The following LAMA1 variants were observed in gnomAD, a reference collection of about 807,000 sequenced individuals.
The protein encoded by LAMA1 is laminin subunit alpha 1.
LAMA1 carries 219 observed loss-of-function variants against 348.7 expected under a neutral mutation model. That is an observed-to-expected ratio of 0.63 (90% CI 0.56 to 0.70). The LOEUF is 0.70. LAMA1 is among the 30% of genes least tolerant of loss of function. The probability of loss-of-function intolerance (pLI) is 0.00; values close to 1 mark genes in which losing one functional copy is unlikely to be tolerated. For synonymous variants in LAMA1, 1,487 were observed against 1,491.0 expected (o/e 1.00, Z 0.06); for missense variants, 3,744 against 3,888.0 (o/e 0.96, Z 0.99).
intron 36 of LAMA1, among the ~76,000 whole-genome samples, chr18:6,992,115 C>A (rs928926805): frequency 6.6e-6 from 1 of 152,216 alleles, no homozygotes; most frequent in South Asian, 2.1e-4. Flanking sequence ...CACTTCACAT[C>A]GTGGGTTTCA....
rs1320364200 is a variant in LAMA1, at chr18:7,025,881, G to A, written c.2402+98C>T. 2.8e-5 allele frequency: 41 copies of A among 1,488,542 alleles called. 1 individual carries two copies. The highest frequency in any genetic ancestry group is 4.9e-5 in the East Asian group (2 of 40,834). The allele number at this position is 1,488,542 out of a possible 1,614,324, so 92.2% of individuals were successfully genotyped here. A position where few individuals can be genotyped will look rare whatever the true frequency, so the allele number is the denominator to read the frequency against. ...TTGTCACTGGGCAAAATTCACACAC[G>A]TATTACACACACAGTCTTGCTCTGA... On this transcript the variant is annotated intron_variant, in intron 17 of 62. Coordinates refer to ENST00000389658, the MANE Select transcript of LAMA1 (RefSeq NM_005559.4).
At chr18:6,982,987 C>T (rs1377188596) in intron 40 of LAMA1, 112 bp downstream of exon 40, 14 of 1,378,524 alleles carry the variant, frequency 1.0e-5, no homozygotes, top group Non-Finnish European at 1.2e-5. Context: ...AAACAGATTC[C>T]ACCAGAAAAG....
At chr18:7,107,469 A>G (rs1035962211) in intron 1 of LAMA1, among the ~76,000 whole-genome samples, 41 of 152,242 alleles carry the variant, frequency 2.7e-4, no homozygotes, top group African/African-American at 9.1e-4. Context: ...CTTCAAAAAC[A>G]AATACACTAA....
At position 6,977,854 on chromosome 18, in the gene LAMA1, T is replaced by C; in HGVS notation, c.6218A>G (p.Asp2073Gly). 6.2e-7 allele frequency: 1 copy of C among 1,613,420 alleles called. No homozygotes were observed. Among genetic ancestry groups the C allele is most frequent in the Non-Finnish European group, 8.5e-7 (1 of 1,180,028 alleles). ...CAAAAGGTTGGCTTGAATTTCCACG[T>C]CTTTGACTTTTCTTCCAGCCAACAG... is the stretch of plus-strand genomic sequence containing the variant. ...ATLLAGRKVKDVEIQANLLFD... is the reference protein window; with the variant it reads ...ATLLAGRKVKGVEIQANLLFD... Residue 2073 changes from aspartate (D) to glycine (G), a missense_variant, in exon 44 of 63, where the codon GAC (aspartate) becomes GGC (glycine). Physicochemically the swap from Asp to Gly is moderately conservative, Grantham distance 94. This residue lies in a region of LAMA1 where 1,983 missense variants were observed against 1,934.3 expected (regional missense o/e 1.03). Coordinates refer to ENST00000389658, the MANE Select transcript of LAMA1 (RefSeq NM_005559.4).
intron 14 of LAMA1, among the ~76,000 whole-genome samples, chr18:7,034,056 G>A (rs2057983282): frequency 6.6e-6 from 1 of 152,122 alleles, no homozygotes; most frequent in South Asian, 2.1e-4. Context: ...CAACTTTTAT[G>A]CTTGGCACGG....
intron 33 of LAMA1, among the ~76,000 whole-genome samples, chr18:6,995,947 CAA>C (rs1368739163): frequency 6.6e-6 from 1 of 152,018 alleles, no homozygotes; most frequent in Admixed American, 6.5e-5. Flanking sequence ...TACATAAACA[CAA>C]AAAGTTATTT....
intron 16 of LAMA1, among the ~76,000 whole-genome samples, chr18:7,028,315 G>A (rs2144152586): frequency 6.6e-6 from 1 of 152,234 alleles, no homozygotes; most frequent in South Asian, 2.1e-4. Flanking sequence ...ATAAACCCCA[G>A]CATAAAGAAA....
chr18:6,977,658 T>A lies in LAMA1; in HGVS notation c.6345+69A>T. 9 of 1,590,140 alleles carry A rather than the reference T, an allele frequency of 5.7e-6. No individual in the cohort carries two copies. In the South Asian group the frequency reaches 7.8e-5, roughly 14 times the overall value. ...GCGCAGTGTGACTGAGGGCCATGTC[T>A]GCATGAATTCCCTGGGACCCCACAT... On this transcript the variant is annotated intron_variant, in intron 44 of 62. Transcript: ENST00000389658.
At chr18:7,089,904 A>T (rs2058233164) in intron 1 of LAMA1, among the ~76,000 whole-genome samples, 1 of 152,124 alleles carries the variant, frequency 6.6e-6, no homozygotes, top group Non-Finnish European at 1.5e-5. Context: ...TCTTCACTCA[A>T]ACCTTTTATT....
intron 36 of LAMA1, among the ~76,000 whole-genome samples, chr18:6,989,659 G>A (rs1181751434): frequency 6.6e-6 from 1 of 151,994 alleles, no homozygotes; most frequent in Non-Finnish European, 1.5e-5. Context: ...GGATCCTAGA[G>A]GCCCTCGCCA....
intron 47 of LAMA1, 66 bp downstream of exon 47, chr18:6,972,991 C>T (rs1366511977): frequency 6.3e-7 from 1 of 1,587,344 alleles, no homozygotes; most frequent in African/African-American, 1.3e-5. Context: ...ACGCCCGGCC[C>T]ATGACTTTTA....
In LAMA1 at chr18:6,983,362, T is replaced by C. The variant is rs1451568207; in HGVS notation, c.5661-128A>G. 14 of 971,822 alleles carry C rather than the reference T, an allele frequency of 1.4e-5. No homozygotes were observed. In the Middle Eastern group the frequency reaches 1.2e-3, roughly 82 times the overall value. 60.2% of individuals were successfully genotyped at this position (971,822 alleles called of 1,614,324 possible). On this transcript the variant is annotated intron_variant, in intron 39 of 62. Transcript: ENST00000389658. ...CTTCTTTCCCCTTAGAAGAGTATCA[T>C]CCATAAAAAATAACAACCTATGGGT...
At chr18:6,958,756 A>G in intron 54 of LAMA1, 94 bp from the exon 55 acceptor site, 1 of 1,076,184 alleles carries the variant, frequency 9.3e-7, no homozygotes, top group South Asian at 1.4e-5. Context: ...TTCTCACTGA[A>G]TAATAAAAGT....
Position 7,013,804 on chromosome 18 carries a change from A to C in LAMA1, c.3363+11T>G, listed in dbSNP as rs1395137146. The C allele has an allele frequency of 1.2e-6, 2 of 1,610,330 alleles. No individual in the cohort carries two copies. Among genetic ancestry groups the C allele is most frequent in the African/African-American group, 1.3e-5 (1 of 74,970 alleles). The stretch of plus-strand genomic sequence containing the variant: ...GAGACAGGATGAAAGAGGAGGATGG[A>C]TGGTAAATACCTTGCAAGGGCAGGC... On this transcript the variant is annotated intron_variant, in intron 23 of 62. Transcript: ENST00000389658.
In LAMA1 at chr18:6,941,978, T is replaced by A; in HGVS notation, c.*101A>T. 6.8e-7 allele frequency: 1 copy of A among 1,469,000 alleles called. No homozygotes were observed. The highest frequency in any genetic ancestry group is 9.5e-7 in the Non-Finnish European group (1 of 1,056,842). The allele number at this position is 1,469,000 out of a possible 1,614,324, so 91.0% of individuals were successfully genotyped here. On this transcript the variant is annotated 3_prime_UTR_variant, in exon 63 of 63. Coordinates refer to ENST00000389658, the MANE Select transcript of LAMA1 (RefSeq NM_005559.4). ...CATCTCTCCCCAGAAACACTTAACC[T>A]GAGTTGGAAATGAAATATGAACTGA...
intron 3 of LAMA1, among the ~76,000 whole-genome samples, chr18:7,051,665 T>C (rs533335917): frequency 6.6e-6 from 1 of 152,290 alleles, no homozygotes; most frequent in African/African-American, 2.4e-5. Flanking sequence ...TTAATAGTAG[T>C]GTTAAAAGTA....
At chr18:7,013,761 A>C (rs2057872000) in intron 23 of LAMA1, 54 bp downstream of exon 23, 3 of 1,558,112 alleles carry the variant, frequency 1.9e-6, no homozygotes, top group African/African-American at 1.4e-5. Flanking sequence ...AAAGCCCAGG[A>C]GTCATGATGA....
At chr18:6,951,113 C>A in intron 57 of LAMA1, 142 bp from the exon 58 acceptor site, 1 of 756,460 alleles carries the variant, frequency 1.3e-6, no homozygotes, top group Non-Finnish European at 2.3e-6. Context: ...CATCCATTTA[C>A]ACATCCATTC....
In LAMA1 at chr18:6,949,129, GAGGGC is replaced by G; in HGVS notation, c.8523_8527del (p.Ser2843ValfsTer23). The G allele has an allele frequency of 6.2e-7, 1 of 1,614,170 alleles. No homozygotes were observed. The highest frequency in any genetic ancestry group is 8.5e-7 in the Non-Finnish European group (1 of 1,180,032). On this transcript the variant is annotated frameshift_variant, in exon 59 of 63. Coordinates refer to ENST00000389658, the MANE Select transcript of LAMA1 (RefSeq NM_005559.4). LOFTEE classifies it high-confidence loss of function. ...TCCAATTTTCCTGGCCTGGTACTGG[GAGGGC>G]AGGCCTCCTAGGTAGAACAAACCCT...
Sources: gnomAD v4.1 joint callset for allele counts (sites outside exome capture counted in the v4.1 genomes callset) on GRCh38, gnomAD v4.1.1 for gene constraint, gnomAD v4.1.1 regional missense constraint, MANE v1.5 for transcripts, NCBI Gene and HGNC (gene_info 2026-07-23, HGNC 2026-07-21) for gene names.